The following EFCAB5 variants were observed in gnomAD, a reference collection of about 807,000 sequenced individuals.
The protein encoded by EFCAB5 is EF-hand calcium-binding domain-containing protein 5.
EFCAB5 carries 131 observed loss-of-function variants against 167.9 expected under a neutral mutation model. That is an observed-to-expected ratio of 0.78 (90% CI 0.68 to 0.90). The LOEUF is 0.90. Among genes scored for constraint, EFCAB5 ranks in the 40% least tolerant of loss-of-function variants. The pLI is 0.00. For synonymous variants in EFCAB5, 574 were observed against 602.8 expected, an observed-to-expected ratio of 0.95 and a Z score of 0.70; for missense variants, 1,663 against 1,745.2, an observed-to-expected ratio of 0.95 and a Z score of 0.84.
chr17:30,050,131 CTT>C (rs895881761), intron 8 of EFCAB5, among the ~76,000 whole-genome samples: 33 of 150,630 alleles, frequency 2.2e-4, no homozygotes, highest in African/African-American at 5.9e-4. Flanking sequence ...GTATCAGGTA[CTT>C]TTTTTTCTTT....
chr17:29,930,311 G>A, intron 1 of EFCAB5: 1 of 412,004 alleles, frequency 2.4e-6, no homozygotes, highest in South Asian at 3.3e-5. Flanking sequence ...TAACCCTTGA[G>A]TTGCCGGAAG....
At chr17:30,039,902 C>T (rs1035502479) in intron 8 of EFCAB5, among the ~76,000 whole-genome samples, 2 of 152,194 alleles carry the variant, frequency 1.3e-5, no homozygotes, top group South Asian at 4.1e-4. Context: ...TCAAGCCACA[C>T]CTCACCTCAT....
chr17:30,009,523 T>C (rs185139939), intron 7 of EFCAB5, among the ~76,000 whole-genome samples: 309 of 152,320 alleles, frequency 2.0e-3, no homozygotes, highest in Non-Finnish European at 3.5e-3. Context: ...GTACTTGTCA[T>C]AATGTCTTCA....
intron 4 of EFCAB5, among the ~76,000 whole-genome samples, chr17:29,986,813 A>T (rs2068295819): frequency 6.6e-6 from 1 of 151,362 alleles, no homozygotes; most frequent in African/African-American, 2.4e-5. Context: ...TCGCCCGGCT[A>T]ATTTTTTGTA....
chr17:30,062,326 A>G (rs1479741331), intron 14 of EFCAB5, among the ~76,000 whole-genome samples: 1 of 152,220 alleles, frequency 6.6e-6, no homozygotes, highest in South Asian at 2.1e-4. Flanking sequence ...CATAGAGAAC[A>G]GAAGGCGATG....
At chr17:30,093,239 T>C (rs954398114) in intron 22 of EFCAB5, among the ~76,000 whole-genome samples, 7 of 152,238 alleles carry the variant, frequency 4.6e-5, no homozygotes, top group African/African-American at 1.4e-4. Context: ...AAAAAGGCTA[T>C]CTTTAGCTTA....
At chr17:30,083,116 T>G in intron 18 of EFCAB5, 73 bp downstream of exon 18, 1 of 1,487,096 alleles carries the variant, frequency 6.7e-7, no homozygotes, top group African/African-American at 1.4e-5. Context: ...TGCTAATATT[T>G]GAAAACCATA....
chr17:29,934,245 A>G (rs1323956965), intron 1 of EFCAB5, among the ~76,000 whole-genome samples: 1 of 152,230 alleles, frequency 6.6e-6, no homozygotes, highest in Non-Finnish European at 1.5e-5. Context: ...AGGTGATAAA[A>G]AAACTTTTAA....
At position 30,092,280 on chromosome 17, in the gene EFCAB5, C is replaced by A. The variant is rs1291443367; in HGVS notation, c.4224+123C>A. ...GCAAGAATTTTTACTGAGTGGAACA[C>A]GTTCACGTAACCAGACCTAGATCAA... is the stretch of plus-strand genomic sequence containing the variant. On this transcript the variant is annotated intron_variant, in intron 21 of 22. Coordinates refer to ENST00000394835, the MANE Select transcript of EFCAB5 (RefSeq NM_198529.4). The A allele has an allele frequency of 7.9e-6, 8 of 1,018,344 alleles. No homozygotes were observed. The Admixed American group carries it at 2.0e-4, about 25-fold the overall frequency. The allele number at this position is 1,018,344 out of a possible 1,614,324, so 63.1% of individuals were successfully genotyped here.
intron 22 of EFCAB5, among the ~76,000 whole-genome samples, chr17:30,097,845 A>G (rs1176435726): frequency 2.0e-5 from 3 of 152,004 alleles, no homozygotes; most frequent in Non-Finnish European, 2.9e-5. Flanking sequence ...TGTCTCTCCC[A>G]TAAGACAGTT....
intron 16 of EFCAB5, 36 bp from the exon 17 acceptor site, chr17:30,080,717 G>C: frequency 6.9e-7 from 1 of 1,447,394 alleles, no homozygotes; most frequent in Non-Finnish European, 9.5e-7. Flanking sequence ...ATCTCTCCCT[G>C]TGCCTTTCTT....
At chr17:29,960,150 C>T (rs1011253492) in intron 3 of EFCAB5, among the ~76,000 whole-genome samples, 1 of 152,184 alleles carries the variant, frequency 6.6e-6, no homozygotes, top group African/African-American at 2.4e-5. Context: ...TCACTGTGCT[C>T]TCCCTGCCCC....
chr17:29,979,799 A>T (rs1298707758), intron 4 of EFCAB5, among the ~76,000 whole-genome samples: 2 of 152,194 alleles, frequency 1.3e-5, no homozygotes, highest in Admixed American at 1.3e-4. Flanking sequence ...ATCTTCTATT[A>T]TACCTATATT....
At chr17:29,954,452 G>C (rs1008838545) in intron 3 of EFCAB5, among the ~76,000 whole-genome samples, 1 of 152,230 alleles carries the variant, frequency 6.6e-6, no homozygotes, top group Non-Finnish European at 1.5e-5. Context: ...GCTTCAGCAG[G>C]TGCAAGCCCT....
chr17:30,011,180 C>T (rs1411191589), intron 7 of EFCAB5, among the ~76,000 whole-genome samples: 3 of 152,086 alleles, frequency 2.0e-5, no homozygotes, highest in African/African-American at 7.2e-5. Flanking sequence ...GTTTTGGTAC[C>T]AGTACCATGC....
At chr17:29,996,483 G>T in intron 6 of EFCAB5, 123 bp downstream of exon 6, 1 of 707,130 alleles carries the variant, frequency 1.4e-6, no homozygotes, top group Non-Finnish European at 2.4e-6. Context: ...GGGCAATTAG[G>T]CTCTTCCATG....
chr17:29,965,394 C>T (rs2151569182), intron 3 of EFCAB5, among the ~76,000 whole-genome samples: 1 of 152,186 alleles, frequency 6.6e-6, no homozygotes, highest in Non-Finnish European at 1.5e-5. Context: ...CATTAAAGAG[C>T]AGATATTTTA....
At chr17:30,030,075 G>T (rs2069438963) in intron 7 of EFCAB5, among the ~76,000 whole-genome samples, 1 of 152,146 alleles carries the variant, frequency 6.6e-6, no homozygotes, top group African/African-American at 2.4e-5. Context: ...CCTTGGAAAG[G>T]TATGAAAACA....
At chr17:30,094,238 G>A (rs1345514051) in intron 22 of EFCAB5, among the ~76,000 whole-genome samples, 3 of 152,096 alleles carry the variant, frequency 2.0e-5, no homozygotes, top group Non-Finnish European at 2.9e-5. Context: ...CAGGAAAAGA[G>A]TATTTCCTAA....
Sources: gnomAD v4.1 joint callset for allele counts (sites outside exome capture counted in the v4.1 genomes callset) on GRCh38, gnomAD v4.1.1 for gene constraint, MANE v1.5 for transcripts, NCBI Gene and HGNC (gene_info 2026-07-23, HGNC 2026-07-21) for gene names.